Variants in PRH1 observed in about 807,000 individuals in gnomAD.
The protein encoded by PRH1 is salivary acidic proline-rich phosphoprotein 1/2.
In PRH1, 7 loss-of-function variants were observed where a neutral mutation model predicts 7.9. The observed-to-expected ratio is 0.89, with a 90% CI of 0.50 to 1.67. The LOEUF is 1.67. PRH1 is among the 40% of genes most tolerant of loss of function. PRH1 has a pLI of 0.00. For missense variants in PRH1, 109 were observed against 223.6 expected (o/e 0.49, Z 3.27); for synonymous variants, 45 against 80.8 (o/e 0.56, Z 2.38).
intron 1 of PRH1, among the ~76,000 whole-genome samples, chr12:11,155,056 T>C (rs573723043): frequency 1.3e-5 from 2 of 152,350 alleles, no homozygotes; most frequent in South Asian, 2.1e-4. Context: ...CCTTCATACA[T>C]GTGGGCACAA....
chr12:11,096,800 G>T lies in PRH1; in HGVS notation n.124-49612C>A, dbSNP rs1229858466. Among the ~76,000 whole-genome samples the T allele has an allele frequency of 7.9e-5, 9 of 113,462 alleles. 3 individuals are homozygous for T. Among genetic ancestry groups the T allele is most frequent in the African/African-American group, 8.8e-5 (3 of 33,944 alleles). The allele number at this position is 113,462 out of a possible 152,430, so 74.4% of individuals were successfully genotyped here. A position where few individuals can be genotyped will look rare whatever the true frequency, so the allele number is the denominator to read the frequency against. ...TTATGCGGTTTTTGTTTTTTTTGTTGTTGTTGTTGTTGTTTTTGAGACGGA... is the reference window on the plus strand; with the variant it reads ...TTATGCGGTTTTTGTTTTTTTTGTTTTTGTTGTTGTTGTTTTTGAGACGGA... On this transcript the variant is annotated intron_variant and non_coding_transcript_variant, in intron 1 of 4. Transcript: ENST00000541977.
chr12:11,030,871 T>G, intron 1 of PRH1: 1 of 1,614,214 alleles, frequency 6.2e-7, no homozygotes, highest in Non-Finnish European at 8.5e-7. Flanking sequence ...CATATTCTTT[T>G]GTCCGTACAA....
intron 1 of PRH1, among the ~76,000 whole-genome samples, chr12:11,045,564 G>T (rs1341591171): frequency 6.6e-6 from 1 of 152,054 alleles, no homozygotes; most frequent in Non-Finnish European, 1.5e-5. Flanking sequence ...ATGTATCCAC[G>T]AAACTTAAAA....
At chr12:10,970,360 A>T (rs2135949703) in intron 2 of PRH1, among the ~76,000 whole-genome samples, 1 of 152,290 alleles carries the variant, frequency 6.6e-6, no homozygotes, top group East Asian at 1.9e-4. Context: ...GTATAATTTA[A>T]TATCTACAGT....
Position 10,914,857 on chromosome 12 carries a change from G to A in PRH1, c.-58-30582C>T, listed in dbSNP as rs536764949. 2.0e-5 allele frequency among the ~76,000 whole-genome samples: 3 copies of A among 152,300 alleles called. No homozygotes were observed. The South Asian group carries it at 6.2e-4, about 32-fold the overall frequency. On this transcript the variant is annotated intron_variant, in intron 2 of 3. Transcript: ENST00000539853. ...TTAAAACTCAGCCATGGCTGGGCAC[G>A]GTGGCTCACGCCTGTAATCCCAGCA...
upstream of PRH1, among the ~76,000 whole-genome samples, chr12:10,886,200 C>T (rs1949489812): frequency 6.6e-6 from 1 of 152,084 alleles, no homozygotes; most frequent in South Asian, 2.1e-4. Flanking sequence ...GTACTGTTTC[C>T]CATAGGACCT....
At chr12:11,021,079 T>C (rs1360896234) in intron 1 of PRH1, among the ~76,000 whole-genome samples, 1 of 142,062 alleles carries the variant, frequency 7.0e-6, no homozygotes, top group Non-Finnish European at 1.6e-5. Context: ...GGTATACATA[T>C]ACAAAATTTA....
rs1352464841 is a variant in PRH1, at chr12:11,083,880, T to G, written n.124-36692A>C. Among the ~76,000 whole-genome samples, 4 of 150,108 alleles carry G rather than the reference T, an allele frequency of 2.7e-5. 1 individual carries two copies. The highest frequency in any genetic ancestry group is 5.9e-5 in the Non-Finnish European group (4 of 67,402). On this transcript the variant is annotated intron_variant and non_coding_transcript_variant, in intron 1 of 4. Coordinates refer to the PRH1 transcript ENST00000541977. ...CTCATATCTATGAAGTTCAAATTTGTTCATTTTCCTTTTTATTTATGTTCT... is the reference window on the plus strand; with the variant it reads ...CTCATATCTATGAAGTTCAAATTTGGTCATTTTCCTTTTTATTTATGTTCT...
chr12:11,170,273 G>A (rs529794671), intron 1 of PRH1, among the ~76,000 whole-genome samples: 27 of 152,296 alleles, frequency 1.8e-4, no homozygotes, highest in African/African-American at 2.6e-4. Context: ...CAGGCCGGGC[G>A]CTGTGGCTCA....
intron 1 of PRH1, among the ~76,000 whole-genome samples, chr12:11,099,377 T>C (rs1462552041): frequency 1.3e-5 from 2 of 151,726 alleles, no homozygotes; most frequent in East Asian, 3.9e-4. Flanking sequence ...ATCTCCAAGA[T>C]GCCGAATTTG....
chr12:10,966,523 C>T (rs573389709), intron 2 of PRH1, among the ~76,000 whole-genome samples: 6 of 152,274 alleles, frequency 3.9e-5, no homozygotes, highest in South Asian at 4.1e-4. Context: ...TTTGTCCTTG[C>T]CTGATCCAGC....
At chr12:10,899,881 A>T (rs1260407891) in intron 2 of PRH1, among the ~76,000 whole-genome samples, 2 of 152,220 alleles carry the variant, frequency 1.3e-5, no homozygotes, top group Non-Finnish European at 2.9e-5. Flanking sequence ...CAGGCACACA[A>T]AGAAATAGAA....
Position 10,900,988 on chromosome 12 carries a change from C to T in PRH1, c.-58-16713G>A, listed in dbSNP as rs1949715051. On this transcript the variant is annotated intron_variant, in intron 2 of 3. Coordinates refer to the PRH1 transcript ENST00000539853. ...ACTCTAGATATCTGAAGCACCCATT[C>T]ACCTGGCTCAGCAGCCTATCCTCCC... Among the ~76,000 whole-genome samples, 3 of 152,200 alleles carry T rather than the reference C, an allele frequency of 2.0e-5. No individual in the cohort carries two copies. The South Asian group carries it at 6.2e-4, about 31-fold the overall frequency.
chr12:11,073,565 GACT>G (rs1565624113), intron 1 of PRH1, among the ~76,000 whole-genome samples: 3 of 150,678 alleles, frequency 2.0e-5, no homozygotes, highest in African/African-American at 4.9e-5. Flanking sequence ...ATATTGCTCT[GACT>G]TGTTAATAAA....
At position 11,074,816 on chromosome 12, in the gene PRH1, G is replaced by C. The variant is rs1436943660; in HGVS notation, n.124-27628C>G. Among the ~76,000 whole-genome samples, 4 of 116,786 alleles carry C rather than the reference G, an allele frequency of 3.4e-5. 1 individual carries two copies. Among genetic ancestry groups the C allele is most frequent in the Non-Finnish European group, 8.1e-5 (4 of 49,292 alleles). The allele number at this position is 116,786 out of a possible 152,430, so 76.6% of individuals were successfully genotyped here. Reference sequence around the variant, plus strand: ...AAAGGTAAATAGAAAACAAAAGACAGCTAGGATACATTCTCCCTTTTCTCT... The same window carrying C: ...AAAGGTAAATAGAAAACAAAAGACACCTAGGATACATTCTCCCTTTTCTCT... On this transcript the variant is annotated intron_variant and non_coding_transcript_variant, in intron 1 of 4. Transcript: ENST00000541977.
At chr12:11,163,587 T>A (rs1313200210) in intron 1 of PRH1, among the ~76,000 whole-genome samples, 1 of 152,236 alleles carries the variant, frequency 6.6e-6, no homozygotes, top group Non-Finnish European at 1.5e-5. Context: ...GAATGTTGTG[T>A]GGTTACGGAC....
chr12:11,106,872 T>C (rs2136295277), intron 1 of PRH1, among the ~76,000 whole-genome samples: 1 of 152,030 alleles, frequency 6.6e-6, no homozygotes, highest in East Asian at 1.9e-4. Context: ...AGGTAGTCTT[T>C]ATGAGGAGTT....
intron 1 of PRH1, chr12:11,062,247 T>C (rs769175880): frequency 5.0e-6 from 8 of 1,613,032 alleles, no homozygotes; most frequent in African/African-American, 2.7e-5. Context: ...CAATCACAAA[T>C]GTAACCACTA....
chr12:10,924,038 C>T (rs1950090534), intron 2 of PRH1, among the ~76,000 whole-genome samples: 1 of 147,084 alleles, frequency 6.8e-6, no homozygotes, highest in African/African-American at 2.5e-5. Flanking sequence ...CTCTGTCGCC[C>T]AGGCTGGAGT....
Sources: allele counts gnomAD v4.1 joint callset (sites outside exome capture counted in the v4.1 genomes callset), GRCh38; gene constraint gnomAD v4.1.1; transcripts MANE v1.5; gene names NCBI Gene and HGNC (gene_info 2026-07-23, HGNC 2026-07-21).